The following ASXL2 variants were observed in gnomAD, a reference collection of about 807,000 sequenced individuals.
ASXL2 encodes putative Polycomb group protein ASXL2.
A neutral mutation model predicts 122.0 loss-of-function variants in ASXL2; 23 were observed. The observed-to-expected ratio is 0.19, with a 90% CI of 0.14 to 0.27. The LOEUF is 0.27. Ranked by LOEUF, ASXL2 falls within the 10% of genes least tolerant of loss-of-function variation. ASXL2 has a pLI of 1.00. For missense variants in ASXL2, 1,518 were observed against 1,713.8 expected (o/e 0.89, Z 2.02); for synonymous variants, 650 against 637.0 (o/e 1.02, Z -0.31).
intron 1 of ASXL2, chr2:25,856,609 C>T (rs2089781912): frequency 8.1e-7 from 1 of 1,228,110 alleles, no homozygotes; most frequent in Middle Eastern, 1.9e-4. Flanking sequence ...GTGCAGAGCC[C>T]CACCACAAGG....
intron 6 of ASXL2, among the ~76,000 whole-genome samples, chr2:25,770,232 G>A (rs528198462): frequency 1.9e-4 from 29 of 151,422 alleles, no homozygotes; most frequent in African/African-American, 5.6e-4. Flanking sequence ...TTTTTCAGAC[G>A]GGGTCTTGCT....
chr2:25,766,873 GCTT>G, intron 8 of ASXL2, among the ~76,000 whole-genome samples: 1 of 152,190 alleles, frequency 6.6e-6, no homozygotes, highest in Non-Finnish European at 1.5e-5. Context: ...GCATCAAACT[GCTT>G]CTTACTAACT....
intron 8 of ASXL2, 114 bp downstream of exon 8, chr2:25,767,469 G>A: frequency 8.9e-7 from 1 of 1,118,248 alleles, no homozygotes; most frequent in Non-Finnish European, 1.3e-6. Context: ...TCTAATCTTT[G>A]CTATGTAACT....
At chr2:25,840,940 T>C (rs80157573) in intron 2 of ASXL2, among the ~76,000 whole-genome samples, 1 of 152,292 alleles carries the variant, frequency 6.6e-6, no homozygotes, top group East Asian at 1.9e-4. Flanking sequence ...CAGTAAGTAG[T>C]CACACACCTT....
chr2:25,766,423 G>C (rs1183328569), intron 8 of ASXL2, among the ~76,000 whole-genome samples: 1 of 152,064 alleles, frequency 6.6e-6, no homozygotes, highest in African/African-American at 2.4e-5. Context: ...GACCTAGATT[G>C]GTGTTCCAAG....
chr2:25,851,398 C>T (rs899967163), intron 1 of ASXL2, among the ~76,000 whole-genome samples: 4 of 152,124 alleles, frequency 2.6e-5, no homozygotes, highest in Admixed American at 1.3e-4. Flanking sequence ...CACTTATATA[C>T]CATTTGTGAG....
chr2:25,750,887 T>C (rs576007169), intron 11 of ASXL2, among the ~76,000 whole-genome samples: 10 of 152,276 alleles, frequency 6.6e-5, no homozygotes, highest in Admixed American at 4.6e-4. Flanking sequence ...TCAACTCTTC[T>C]CTGCAATATC....
intron 5 of ASXL2, chr2:25,780,317 G>C (rs1171544332): frequency 1.3e-5 from 2 of 151,684 alleles, no homozygotes; most frequent in Non-Finnish European, 2.9e-5. Flanking sequence ...GGATATCCTA[G>C]AACAGAACAT....
rs776553926 is a variant in ASXL2, at chr2:25,739,369, GTT to G, written c.*2658_*2659del. ...TTTCTAAAAGGCCAGATTGTAATGT[GTT>G]TTTTTTTTTTTTAATTTTTCTGTTC... On this transcript the variant is annotated 3_prime_UTR_variant, in exon 13 of 13. Transcript: ENST00000435504. 2.4e-4 allele frequency: 38 copies of G among 158,542 alleles called. No individual in the cohort carries two copies. The highest frequency in any genetic ancestry group is 2.4e-3 in the Middle Eastern group (1 of 410). The allele number at this position is 158,542 out of a possible 1,614,324, so 9.8% of individuals were successfully genotyped here. A position where few individuals can be genotyped will look rare whatever the true frequency, so the allele number is the denominator to read the frequency against.
At chr2:25,767,753 C>T (rs769542770) in intron 7 of ASXL2, 27 bp from the exon 8 acceptor site, 3 of 1,611,542 alleles carry the variant, frequency 1.9e-6, no homozygotes, top group Non-Finnish European at 2.5e-6. Flanking sequence ...CGTATAAAGA[C>T]TGGTAGCACT....
rs567281986 is a variant in ASXL2, at chr2:25,740,361, C to T, written c.*1668G>A. 1 of 224,932 alleles carries T rather than the reference C, an allele frequency of 4.4e-6. No individual in the cohort carries two copies. The highest frequency in any genetic ancestry group is 2.2e-5 in the African/African-American group (1 of 44,974). 13.9% of individuals were successfully genotyped at this position (224,932 alleles called of 1,614,324 possible). A position where few individuals can be genotyped will look rare whatever the true frequency, so the allele number is the denominator to read the frequency against. On this transcript the variant is annotated 3_prime_UTR_variant, in exon 13 of 13. Transcript: ENST00000435504. ...CATTTTCTCCTAATCTGGAATGTGA[C>T]TTAACAAGTTTAAACTGTTCTGCAT...
chr2:25,849,355 G>GT (rs2089690442), intron 1 of ASXL2, among the ~76,000 whole-genome samples: 1 of 138,710 alleles, frequency 7.2e-6, no homozygotes. Context: ...GCTGGTTCAA[G>GT]AATTCAAGAA....
chr2:25,761,374 C>A (rs2088239944), intron 8 of ASXL2, among the ~76,000 whole-genome samples: 1 of 152,074 alleles, frequency 6.6e-6, no homozygotes, highest in South Asian at 2.1e-4. Context: ...GGAACGATCA[C>A]ATAAAAAGGA....
Position 25,743,521 on chromosome 2 carries a change from G to T in ASXL2, c.2816C>A (p.Thr939Asn). 6.2e-7 allele frequency: 1 copy of T among 1,614,000 alleles called. No individual in the cohort carries two copies. The highest frequency in any genetic ancestry group is 8.5e-7 in the Non-Finnish European group (1 of 1,179,900). Reference protein sequence around the residue: ...PGTSLNMNGPTLRPTSSIPAN... With the variant: ...PGTSLNMNGPNLRPTSSIPAN... The stretch of plus-strand genomic sequence containing the variant: ...AGGGATACTAGAGGTTGGTCTTAAA[G>T]TGGGTCCATTCATGTTTAAAGAAGT... Residue 939 changes from threonine (T) to asparagine (N), a missense_variant, in exon 13 of 13, where the codon ACT becomes AAT. Thr to Asn is a moderately conservative substitution (Grantham distance 65). This residue lies in a region of ASXL2 where 831 missense variants were observed against 833.1 expected (regional missense o/e 1.00). Transcript: ENST00000435504.
intron 4 of ASXL2, among the ~76,000 whole-genome samples, chr2:25,804,531 T>C (rs954497841): frequency 1.3e-5 from 2 of 152,170 alleles, no homozygotes; most frequent in African/African-American, 2.4e-5. Flanking sequence ...AAGTTATATA[T>C]GATGAGGAGA....
At chr2:25,773,914 C>T (rs2088503620) in intron 5 of ASXL2, among the ~76,000 whole-genome samples, 1 of 151,866 alleles carries the variant, frequency 6.6e-6, no homozygotes, top group Non-Finnish European at 1.5e-5. Context: ...CCTGTAGTCA[C>T]AGCTACTCAG....
intron 1 of ASXL2, among the ~76,000 whole-genome samples, chr2:25,869,886 T>C (rs992078693): frequency 6.8e-6 from 1 of 147,454 alleles, no homozygotes; most frequent in African/African-American, 2.5e-5. Flanking sequence ...TTTTTAATGA[T>C]GGTATATCCA....
chr2:25,801,088 G>A (rs1399966947), intron 4 of ASXL2, among the ~76,000 whole-genome samples: 2 of 151,970 alleles, frequency 1.3e-5, no homozygotes, highest in Non-Finnish European at 2.9e-5. Flanking sequence ...CACCATACCC[G>A]GCTAATTTTT....
chr2:25,808,990 G>C (rs1407624443), intron 3 of ASXL2, among the ~76,000 whole-genome samples: 1 of 152,160 alleles, frequency 6.6e-6, no homozygotes, highest in African/African-American at 2.4e-5. Flanking sequence ...AAGAAGCAAA[G>C]CTTCAAAATA....
Sources: allele counts gnomAD v4.1 joint callset (sites outside exome capture counted in the v4.1 genomes callset), GRCh38; gene constraint gnomAD v4.1.1; regional missense constraint gnomAD v4.1.1; transcripts MANE v1.5; gene names NCBI Gene and HGNC (gene_info 2026-07-23, HGNC 2026-07-21).